Variants in DOCK4 observed in about 807,000 individuals in gnomAD.
DOCK4 encodes dedicator of cytokinesis 4.
Under a neutral mutation model 268.1 loss-of-function variants are expected in DOCK4, and 97 were observed. The observed-to-expected ratio is 0.36, with a 90% CI of 0.31 to 0.43. The LOEUF (loss-of-function observed/expected upper bound fraction) is 0.43. DOCK4 is among the 20% of genes least tolerant of loss of function. DOCK4 has a pLI of 1.00. For synonymous variants in DOCK4, 954 were observed against 887.2 expected, an observed-to-expected ratio of 1.08 and a Z score of -1.34; for missense variants, 2,145 against 2,455.7, an observed-to-expected ratio of 0.87 and a Z score of 2.67.
chr7:112,033,145 A>AAAGCAT (rs1803433706), intron 1 of DOCK4, among the ~76,000 whole-genome samples: 1 of 152,212 alleles, frequency 6.6e-6, no homozygotes, highest in South Asian at 2.1e-4. Flanking sequence ...TAAAGCAAAT[A>AAAGCAT]ATTCCAAGTG....
At chr7:112,083,203 T>C (rs1808757800) in intron 1 of DOCK4, among the ~76,000 whole-genome samples, 1 of 152,222 alleles carries the variant, frequency 6.6e-6, no homozygotes. Context: ...TAGGAATCAG[T>C]AGAATTTTTT....
At chr7:111,784,529 C>G in intron 32 of DOCK4, 1 of 457,614 alleles carries the variant, frequency 2.2e-6, no homozygotes, top group Non-Finnish European at 4.4e-6. Flanking sequence ...TATCTGTGCA[C>G]TCACTCAACA....
intron 25 of DOCK4, among the ~76,000 whole-genome samples, chr7:111,839,961 T>C (rs1351881322): frequency 1.3e-5 from 2 of 152,182 alleles, no homozygotes; most frequent in Admixed American, 6.5e-5. Flanking sequence ...TTAAGATATT[T>C]TAAGAATGTA....
rs753885054 is a variant in DOCK4, at chr7:111,728,236, C to T, written c.*38G>A. 9 of 1,399,682 alleles carry T rather than the reference C, an allele frequency of 6.4e-6. No individual in the cohort carries two copies. Among genetic ancestry groups the T allele is most frequent in the African/African-American group, 4.4e-5 (3 of 68,742 alleles). The allele number at this position is 1,399,682 out of a possible 1,614,324, so 86.7% of individuals were successfully genotyped here. ...CTCATCATACTTCTTATTTTGTAAA[C>T]GGGCAAAGAATGCATCGCAGGTACA... On this transcript the variant is annotated 3_prime_UTR_variant, in exon 53 of 53. Transcript: ENST00000428084.
At chr7:111,976,833 G>A in intron 8 of DOCK4, 1 of 213,508 alleles carries the variant, frequency 4.7e-6, no homozygotes, top group Non-Finnish European at 9.4e-6. Flanking sequence ...TCTTCTTTAT[G>A]TTACCAATAC....
chr7:111,844,522 G>A (rs1484393326), intron 25 of DOCK4, among the ~76,000 whole-genome samples: 1 of 152,196 alleles, frequency 6.6e-6, no homozygotes, highest in Non-Finnish European at 1.5e-5. Flanking sequence ...AACCGGGCAT[G>A]GTATGACTAA....
At chr7:111,919,059 T>G (rs1792869836) in intron 12 of DOCK4, among the ~76,000 whole-genome samples, 1 of 152,138 alleles carries the variant, frequency 6.6e-6, no homozygotes, top group Non-Finnish European at 1.5e-5. Context: ...TCAAGATTCT[T>G]GTTTTGCCCT....
At chr7:112,072,244 A>G (rs997512097) in intron 1 of DOCK4, among the ~76,000 whole-genome samples, 6 of 150,552 alleles carry the variant, frequency 4.0e-5, no homozygotes, top group Non-Finnish European at 7.4e-5. Flanking sequence ...AAAAAAATCT[A>G]TCTATAACCA....
chr7:111,969,243 CAAAT>C (rs1356030009), intron 8 of DOCK4, among the ~76,000 whole-genome samples: 6 of 136,420 alleles, frequency 4.4e-5, no homozygotes, highest in South Asian at 2.4e-4. Flanking sequence ...GCTGTACAAA[CAAAT>C]AATGACTGAA....
chr7:111,872,108 A>C lies in DOCK4; in HGVS notation c.1927-18T>G. 6.6e-7 allele frequency: 1 copy of C among 1,510,230 alleles called. No homozygotes were observed. The allele number at this position is 1,510,230 out of a possible 1,614,324, so 93.6% of individuals were successfully genotyped here. A position where few individuals can be genotyped will look rare whatever the true frequency, so the allele number is the denominator to read the frequency against. On this transcript the variant is annotated intron_variant, in intron 19 of 52. Transcript: ENST00000428084. Reference sequence around the variant, plus strand: ...ATGTGAACCTAAAAAAAGAAAATTGAGCTTTATAAAACTAAATGCAAATCA... The same window carrying C: ...ATGTGAACCTAAAAAAAGAAAATTGCGCTTTATAAAACTAAATGCAAATCA...
At chr7:111,824,033 T>G (rs1254983631) in intron 26 of DOCK4, among the ~76,000 whole-genome samples, 1 of 152,254 alleles carries the variant, frequency 6.6e-6, no homozygotes, top group African/African-American at 2.4e-5. Context: ...ATATGTAGTA[T>G]GCGCCATGTG....
At chr7:111,801,316 C>T (rs1479136985) in intron 30 of DOCK4, among the ~76,000 whole-genome samples, 2 of 152,222 alleles carry the variant, frequency 1.3e-5, no homozygotes, top group Admixed American at 1.3e-4. Context: ...TTTTCCGCTG[C>T]TCATGCAGTC....
At chr7:112,062,881 G>A (rs1480301945) in intron 1 of DOCK4, among the ~76,000 whole-genome samples, 1 of 152,148 alleles carries the variant, frequency 6.6e-6, no homozygotes, top group Non-Finnish European at 1.5e-5. Context: ...GTTTCACCAT[G>A]TTAGCCAGGA....
intron 1 of DOCK4, among the ~76,000 whole-genome samples, chr7:112,188,823 C>T (rs1819676759): frequency 6.6e-6 from 1 of 152,212 alleles, no homozygotes; most frequent in African/African-American, 2.4e-5. Flanking sequence ...CATATACACC[C>T]TCATCATATA....
intron 11 of DOCK4, among the ~76,000 whole-genome samples, chr7:111,939,689 T>C (rs1040105138): frequency 6.6e-6 from 1 of 152,144 alleles, no homozygotes; most frequent in African/African-American, 2.4e-5. Flanking sequence ...TTGTGGTACT[T>C]GGTTAGGGCA....
At chr7:111,863,105 C>A in intron 23 of DOCK4, 1 of 408,328 alleles carries the variant, frequency 2.4e-6, no homozygotes. Flanking sequence ...CTATCAGGTA[C>A]CTGTAAGCAT....
At chr7:111,942,116 T>A (rs1405549196) in intron 10 of DOCK4, among the ~76,000 whole-genome samples, 1 of 151,996 alleles carries the variant, frequency 6.6e-6, no homozygotes, top group Non-Finnish European at 1.5e-5. Flanking sequence ...ATTCTCTAAG[T>A]AGGAAGGAAG....
intron 13 of DOCK4, among the ~76,000 whole-genome samples, chr7:111,914,053 T>C (rs1360948954): frequency 1.3e-5 from 2 of 152,104 alleles, no homozygotes; most frequent in African/African-American, 4.8e-5. Flanking sequence ...AAGACCCTGC[T>C]CAGGTGTTAC....
At chr7:111,753,748 C>T (rs940286281) in intron 42 of DOCK4, among the ~76,000 whole-genome samples, 1 of 152,146 alleles carries the variant, frequency 6.6e-6, no homozygotes, top group Non-Finnish European at 1.5e-5. Flanking sequence ...AACCAGGAAA[C>T]CAATAGCTTT....
Sources: allele counts gnomAD v4.1 joint callset (sites outside exome capture counted in the v4.1 genomes callset), GRCh38; gene constraint gnomAD v4.1.1; transcripts MANE v1.5; gene names NCBI Gene and HGNC (gene_info 2026-07-23, HGNC 2026-07-21).